The following COL6A5 variants were observed in gnomAD, a reference collection of about 807,000 sequenced individuals.
COL6A5 encodes collagen alpha-5(VI) chain.
A neutral mutation model predicts 65.6 loss-of-function variants in COL6A5; 48 were observed. The observed-to-expected ratio is 0.73, with a 90% CI of 0.58 to 0.93. The LOEUF (loss-of-function observed/expected upper bound fraction) is 0.93. Among genes scored for constraint, COL6A5 ranks in the 40% least tolerant of loss-of-function variants. The pLI is 0.00. For missense variants in COL6A5, 914 were observed against 928.3 expected, an observed-to-expected ratio of 0.98 and a Z score of 0.20; for synonymous variants, 291 against 322.8, an observed-to-expected ratio of 0.90 and a Z score of 1.05.
intron 3 of COL6A5, 107 bp from the exon 4 acceptor site, chr3:130,379,311 T>C (rs1935903371): frequency 9.7e-7 from 1 of 1,032,322 alleles, no homozygotes; most frequent in South Asian, 1.7e-5. Flanking sequence ...TCTACATCCA[T>C]CATGACTACC....
intron 1 of COL6A5, among the ~76,000 whole-genome samples, chr3:130,363,853 C>T (rs1935230945): frequency 6.6e-6 from 1 of 152,158 alleles, no homozygotes; most frequent in South Asian, 2.1e-4. Flanking sequence ...AGCACTGGTT[C>T]CTGCAAAGGT....
chr3:130,431,209 C>T (rs1051002928), upstream of COL6A5: 16 of 681,530 alleles, frequency 2.3e-5, no homozygotes, highest in Admixed American at 2.8e-4. Context: ...TCATTTTACA[C>T]AGCTGACTGA....
intron 22 of COL6A5, 100 bp downstream of exon 22, chr3:130,414,231 G>T (rs1937271729): frequency 4.3e-6 from 4 of 932,790 alleles, no homozygotes; most frequent in Admixed American, 2.3e-5. Context: ...CTGAGAATCT[G>T]CCCCCTGCCC....
Position 130,406,292 on chromosome 3 carries a change from A to G in COL6A5, c.4450A>G (p.Lys1484Glu), listed in dbSNP as rs973720770. The G allele has an allele frequency of 9.7e-6, 15 of 1,550,382 alleles. No homozygotes were observed. The Middle Eastern group carries it at 8.3e-4, about 86-fold the overall frequency. Residue 1484 changes from lysine to glutamate, a missense_variant and NMD_transcript_variant, in exon 17 of 42, where the codon AAA becomes GAA. Coordinates refer to the COL6A5 transcript ENST00000312481. ...GGGCTGTCATGGATTTCCTGGAATA[A>G]AAGGAGAAAAAGGTGATCCAGGATC...
chr3:130,368,238 G>C (rs1249365179), intron 1 of COL6A5, among the ~76,000 whole-genome samples: 1 of 152,194 alleles, frequency 6.6e-6, no homozygotes, highest in Non-Finnish European at 1.5e-5. Context: ...AGTGGAGTTT[G>C]CTTCCCATGC....
intron 7 of COL6A5, among the ~76,000 whole-genome samples, chr3:130,472,642 A>G (rs906194732): frequency 1.3e-5 from 2 of 151,870 alleles, no homozygotes; most frequent in African/African-American, 4.8e-5. Flanking sequence ...TATACCCTAT[A>G]GGAATATACA....
At chr3:130,398,566 G>T (rs191493464) in intron 10 of COL6A5, among the ~76,000 whole-genome samples, 33 of 152,276 alleles carry the variant, frequency 2.2e-4, no homozygotes, top group Admixed American at 2.0e-3. Context: ...CCGTTGACCA[G>T]CCCTCACACT....
intron 2 of COL6A5, 50 bp from the exon 3 acceptor site, chr3:130,376,187 A>G (rs770243214): frequency 5.4e-5 from 82 of 1,515,830 alleles, no homozygotes; most frequent in Non-Finnish European, 7.1e-5. Flanking sequence ...GGTCTAAAAT[A>G]CAAAGGTTGA....
At chr3:130,449,189 G>C (rs1330989085) in intron 4 of COL6A5, among the ~76,000 whole-genome samples, 1 of 152,140 alleles carries the variant, frequency 6.6e-6, no homozygotes, top group Non-Finnish European at 1.5e-5. Context: ...ATTGTAAAGG[G>C]ATAGGATTCG....
chr3:130,406,364 T>C, intron 17 of COL6A5, 43 bp downstream of exon 17: 1 of 1,460,060 alleles, frequency 6.8e-7, no homozygotes, highest in Non-Finnish European at 9.4e-7. Context: ...GAGAATTTGG[T>C]GACAGAGACA....
chr3:130,376,864 C>T (rs140689933), intron 3 of COL6A5, 28 bp downstream of exon 3: 1 of 1,575,432 alleles, frequency 6.3e-7, no homozygotes, highest in South Asian at 1.2e-5. Context: ...TGAAGAGGTG[C>T]CTGATCCCCA....
At chr3:130,363,307 C>T (rs1330650119) in intron 1 of COL6A5, among the ~76,000 whole-genome samples, 1 of 152,186 alleles carries the variant, frequency 6.6e-6, no homozygotes, top group East Asian at 1.9e-4. Context: ...CACCCTTACT[C>T]ATCCTGTAAA....
chr3:130,424,208 G>T (rs1937563588), intron 29 of COL6A5, among the ~76,000 whole-genome samples: 1 of 152,142 alleles, frequency 6.6e-6, no homozygotes, highest in East Asian at 1.9e-4. Flanking sequence ...AATATATAAA[G>T]TACAATGCAA....
At chr3:130,432,326 G>A (rs770668566) in intron 1 of COL6A5, among the ~76,000 whole-genome samples, 12 of 152,202 alleles carry the variant, frequency 7.9e-5, no homozygotes, top group Non-Finnish European at 1.3e-4. Context: ...AGGCCAAGGC[G>A]GGCGAATCAT....
At chr3:130,381,228 G>A (rs1241077870) in intron 4 of COL6A5, among the ~76,000 whole-genome samples, 1 of 152,048 alleles carries the variant, frequency 6.6e-6, no homozygotes, top group Non-Finnish European at 1.5e-5. Flanking sequence ...TGGTGTAGAA[G>A]AAGGAGAAAA....
exon 9 of COL6A5, chr3:130,397,844 G>A (rs1936661151): frequency 6.4e-7 from 1 of 1,551,690 alleles, no homozygotes; most frequent in African/African-American, 1.4e-5. Flanking sequence ...GTCAACGTCA[G>A]TGGGCCAACT....
intron 7 of COL6A5, among the ~76,000 whole-genome samples, chr3:130,474,352 A>G (rs936299295): frequency 1.4e-4 from 21 of 152,146 alleles, no homozygotes; most frequent in Non-Finnish European, 2.6e-4. Context: ...ACAGAGAATC[A>G]TAACAGGACT....
intron 7 of COL6A5, among the ~76,000 whole-genome samples, chr3:130,393,189 T>C (rs1200321985): frequency 2.6e-5 from 4 of 151,926 alleles, no homozygotes; most frequent in African/African-American, 7.3e-5. Context: ...CCAACCTCAT[T>C]GATCACCTCT....
At chr3:130,369,261 T>A (rs528630671) in intron 1 of COL6A5, among the ~76,000 whole-genome samples, 14 of 152,306 alleles carry the variant, frequency 9.2e-5, no homozygotes, top group Admixed American at 3.3e-4. Context: ...AACTTTCTCT[T>A]TCAGAATGCT....
Sources: gnomAD v4.1 joint callset for allele counts (sites outside exome capture counted in the v4.1 genomes callset) on GRCh38, gnomAD v4.1.1 for gene constraint, MANE v1.5 for transcripts, NCBI Gene and HGNC (gene_info 2026-07-23, HGNC 2026-07-21) for gene names.